The following GTPBP1 variants were observed in gnomAD, a reference collection of about 807,000 sequenced individuals.
GTPBP1 encodes the protein GTP binding protein 1, also known as GTP-binding protein 1.
Under a neutral mutation model 62.0 loss-of-function variants are expected in GTPBP1, and 23 were observed. The ratio of observed to expected loss-of-function variants is 0.37; its 90% CI spans 0.27 to 0.53. The LOEUF is 0.53. Among genes scored for constraint, GTPBP1 ranks in the 20% least tolerant of loss-of-function variants. The pLI, the probability that GTPBP1 is intolerant of heterozygous loss-of-function variation, is 0.89. For missense variants in GTPBP1, 640 were observed against 917.3 expected, an observed-to-expected ratio of 0.70 and a Z score of 3.90; for synonymous variants, 344 against 364.4, an observed-to-expected ratio of 0.94 and a Z score of 0.64.
intron 1 of GTPBP1, among the ~76,000 whole-genome samples, chr22:38,707,227 A>G (rs2092610480): frequency 6.6e-6 from 1 of 152,270 alleles, no homozygotes; most frequent in Non-Finnish European, 1.5e-5. Flanking sequence ...GGTGAAAGAT[A>G]GAACACCAAT....
rs192283282 is a variant in GTPBP1 at position 38,707,871 on chromosome 22, G to A, written c.193-974G>A. 1.2e-4 allele frequency among the ~76,000 whole-genome samples: 19 copies of A among 152,254 alleles called. No individual in the cohort carries two copies. The East Asian group carries it at 2.9e-3, about 23-fold the overall frequency. ...GGGTTGGGTTGAATAGATTGATTCC[G>A]GAGGAACAGATTAGAAGCGAAAGGT... is the stretch of plus-strand genomic sequence containing the variant. On this transcript the variant is annotated intron_variant, in intron 1 of 11. Transcript: ENST00000216044.
At chr22:38,710,865 C>A (rs866323026) in intron 2 of GTPBP1, among the ~76,000 whole-genome samples, 31 of 152,154 alleles carry the variant, frequency 2.0e-4, no homozygotes, top group African/African-American at 7.2e-4. Flanking sequence ...TTTTACCATG[C>A]CTTGACAACT....
intron 5 of GTPBP1, 89 bp downstream of exon 5, chr22:38,721,954 C>A (rs1025515799): frequency 7.2e-6 from 6 of 837,142 alleles, no homozygotes; most frequent in South Asian, 3.1e-5. Flanking sequence ...CGGCTTTAGC[C>A]CAGAAACTTC....
In GTPBP1 at chr22:38,726,161, C is replaced by T. The variant is rs770144587; in HGVS notation, c.1218+11C>T. 6.2e-6 allele frequency: 10 copies of T among 1,610,006 alleles called. No individual in the cohort carries two copies. In the East Asian group the frequency reaches 2.0e-4, roughly 32 times the overall value. Reference sequence around the variant, plus strand: ...ACCTACTCCGTCCCGGTAAGTGGCTCTGGGCGGGTAGCTGGGTGGGCACTT... The same window carrying T: ...ACCTACTCCGTCCCGGTAAGTGGCTTTGGGCGGGTAGCTGGGTGGGCACTT... On this transcript the variant is annotated intron_variant, in intron 7 of 11. Coordinates refer to ENST00000216044, the MANE Select transcript of GTPBP1 (RefSeq NM_004286.5). This position sits in a 1 kb window ranked among gnomAD's most constrained non-coding sequence, Gnocchi z 4.1.
chr22:38,742,163 A>G (rs1371760795), downstream of GTPBP1: 1 of 1,158,292 alleles, frequency 8.6e-7, no homozygotes, highest in Non-Finnish European at 1.2e-6. Flanking sequence ...AAAAAAAAGA[A>G]AAAAAGAGAA....
chr22:38,725,035 T>C (rs2092720091), intron 6 of GTPBP1: 1 of 152,948 alleles, frequency 6.5e-6, no homozygotes, highest in Non-Finnish European at 1.5e-5. Context: ...TGGTGAACTC[T>C]ACTAACTCTG....
Position 38,706,167 on chromosome 22 carries a change from G to A in GTPBP1, c.192+20G>A. On this transcript the variant is annotated intron_variant, in intron 1 of 11. Coordinates refer to ENST00000216044, the MANE Select transcript of GTPBP1 (RefSeq NM_004286.5). ...AGCAAGGTAGGCCCGGGCGGCGGCGGCGGGCGCTGAGGGGAGCGGGCGGCT... is the reference window on the plus strand; with the variant it reads ...AGCAAGGTAGGCCCGGGCGGCGGCGACGGGCGCTGAGGGGAGCGGGCGGCT... 8.1e-7 allele frequency: 1 copy of A among 1,231,376 alleles called. No homozygotes were observed. The highest frequency in any genetic ancestry group is 1.0e-6 in the Non-Finnish European group (1 of 986,040). The allele number at this position is 1,231,376 out of a possible 1,614,324, so 76.3% of individuals were successfully genotyped here.
At chr22:38,739,207 A>C (rs1419728897), downstream of GTPBP1, 4 of 1,066,196 alleles carry the variant, frequency 3.8e-6, no homozygotes, top group Non-Finnish European at 5.7e-6. The surrounding 1 kb of genome is among the most constrained non-coding windows in gnomAD (Gnocchi z 6.7). Flanking sequence ...TGCCTTTGTC[A>C]TGGGTACTAG....
chr22:38,708,732 G>A (rs2092620876), intron 1 of GTPBP1, 113 bp from the exon 2 acceptor site: 1 of 675,042 alleles, frequency 1.5e-6, no homozygotes, highest in East Asian at 2.7e-5. Flanking sequence ...AGCCTTTTTA[G>A]ATGAGGGTGC....
intron 4 of GTPBP1, among the ~76,000 whole-genome samples, chr22:38,719,301 C>A (rs1350664423): frequency 6.6e-6 from 1 of 152,078 alleles, no homozygotes; most frequent in Non-Finnish European, 1.5e-5. Context: ...GCCACCGTAC[C>A]CAGCCTGATT....
At chr22:38,728,233 C>T in intron 10 of GTPBP1, 72 bp downstream of exon 10, 1 of 1,107,358 alleles carries the variant, frequency 9.0e-7, no homozygotes, top group Non-Finnish European at 1.3e-6. Flanking sequence ...ACCCTGAGTG[C>T]AGGGCAGAGG....
rs768486963 is a variant in GTPBP1 at position 38,717,009 on chromosome 22, G to C, written c.834+9G>C. ...ACTTCTGCATGCTCATGGTGAGTGG[G>C]AGGCGCCCCAAGGAGGGGAGGCGTC... On this transcript the variant is annotated intron_variant, in intron 4 of 11. Transcript: ENST00000216044. 6.4e-7 allele frequency: 1 copy of C among 1,573,854 alleles called. No individual in the cohort carries two copies. The highest frequency in any genetic ancestry group is 8.7e-7 in the Non-Finnish European group (1 of 1,145,912).
chr22:38,736,026 C>G, downstream of GTPBP1: 1 of 549,820 alleles, frequency 1.8e-6, no homozygotes, highest in Non-Finnish European at 3.4e-6. Context: ...TACACACTCC[C>G]AGGATGGGAA....
chr22:38,721,110 G>A (rs976527738), intron 4 of GTPBP1, among the ~76,000 whole-genome samples: 1 of 152,042 alleles, frequency 6.6e-6, no homozygotes, highest in Non-Finnish European at 1.5e-5. Context: ...ACAGAGTTTC[G>A]CTCTTGTTGC....
intron 5 of GTPBP1, among the ~76,000 whole-genome samples, chr22:38,722,358 A>T (rs867539385): frequency 6.6e-6 from 1 of 152,242 alleles, no homozygotes; most frequent in African/African-American, 2.4e-5. Flanking sequence ...ATTCAGCTTA[A>T]TACAAAGACA....
intron 2 of GTPBP1, among the ~76,000 whole-genome samples, chr22:38,715,127 G>A (rs1433904990): frequency 1.3e-5 from 2 of 152,000 alleles, no homozygotes; most frequent in Non-Finnish European, 2.9e-5. Context: ...TTCCTAACTG[G>A]ACTCCCCCCT....
At chr22:38,709,021 G>C in intron 2 of GTPBP1, 65 bp downstream of exon 2, 1 of 961,366 alleles carries the variant, frequency 1.0e-6, no homozygotes, top group South Asian at 1.3e-5. Context: ...TGGCCCTGCC[G>C]CCTGTAATCC....
downstream of GTPBP1, chr22:38,741,150 C>G (rs2092854098): frequency 1.5e-6 from 2 of 1,355,264 alleles, no homozygotes; most frequent in African/African-American, 1.4e-5. Context: ...TTAACCACAC[C>G]CCTGCCCAAG....
chr22:38,741,387 A>AT, downstream of GTPBP1: 1 of 1,180,516 alleles, frequency 8.5e-7, no homozygotes. Flanking sequence ...TCCCCTCCCC[A>AT]TGCAACACCC....
Sources: allele counts gnomAD v4.1 joint callset (sites outside exome capture counted in the v4.1 genomes callset), GRCh38; gene constraint gnomAD v4.1.1; non-coding constraint Gnocchi (gnomAD v3.1); transcripts MANE v1.5; gene names NCBI Gene and HGNC (gene_info 2026-07-23, HGNC 2026-07-21).